Variants in ATG13 observed in about 807,000 individuals in gnomAD.
ATG13 encodes autophagy related 13, also known as autophagy-related protein 13.
In ATG13, 23 loss-of-function variants were observed where a neutral mutation model predicts 65.5. The observed-to-expected ratio is 0.35, with a 90% CI of 0.25 to 0.50. The LOEUF is 0.50. Ranked by LOEUF, ATG13 falls within the 20% of genes least tolerant of loss-of-function variation. The probability of loss-of-function intolerance (pLI) is 0.98; values close to 1 mark genes in which losing one functional copy is unlikely to be tolerated. For synonymous variants in ATG13, 252 were observed against 245.2 expected (o/e 1.03, Z -0.26); for missense variants, 566 against 677.0 (o/e 0.84, Z 1.82).
At chr11:46,638,773 G>A (rs1415928076) in intron 2 of ATG13, among the ~76,000 whole-genome samples, 1 of 151,860 alleles carries the variant, frequency 6.6e-6, no homozygotes, top group Non-Finnish European at 1.5e-5. Flanking sequence ...CTCTTTTTCT[G>A]TGGCTAATTT....
intron 18 of ATG13, among the ~76,000 whole-genome samples, chr11:46,670,003 G>A (rs2063326551): frequency 6.6e-6 from 1 of 152,054 alleles, no homozygotes. Flanking sequence ...CCCCATCTCT[G>A]CTTAGGGCAT....
At chr11:46,635,470 C>T (rs919720074) in intron 2 of ATG13, among the ~76,000 whole-genome samples, 3 of 152,046 alleles carry the variant, frequency 2.0e-5, no homozygotes, top group Non-Finnish European at 2.9e-5. Flanking sequence ...AGAGAGACCC[C>T]CATCTCTTTT....
intron 14 of ATG13, 106 bp downstream of exon 14, chr11:46,665,625 C>A (rs916666975): frequency 2.8e-6 from 4 of 1,422,592 alleles, no homozygotes; most frequent in Non-Finnish European, 3.8e-6. Context: ...TCAGCATTGG[C>A]TGGGACATGG....
chr11:46,638,748 A>C (rs1158891255), intron 2 of ATG13: 1 of 152,108 alleles, frequency 6.6e-6, no homozygotes, highest in Non-Finnish European at 1.5e-5. Flanking sequence ...TGTTGCTGCA[A>C]ATGACAGGAT....
At position 46,672,808 on chromosome 11, in the gene ATG13, A is replaced by AGTCCCTTAGCTCTCTTCATT; in HGVS notation, c.*482_*501dup. ...ACAGTGCCAGGAGGAAGAAGGAAGG[A>AGTCCCTTAGCTCTCTTCATT]GTCCCTTAGCTCTCTTCATTGTCCC... On this transcript the variant is annotated 3_prime_UTR_variant, in exon 19 of 19. Coordinates refer to ENST00000683050, the MANE Select transcript of ATG13 (RefSeq NM_001346311.2). The AGTCCCTTAGCTCTCTTCATT allele has an allele frequency of 2.3e-6, 3 of 1,315,846 alleles. No homozygotes were observed. The Admixed American group carries it at 6.5e-5, about 28-fold the overall frequency. The allele number at this position is 1,315,846 out of a possible 1,614,324, so 81.5% of individuals were successfully genotyped here. A position where few individuals can be genotyped will look rare whatever the true frequency, so the allele number is the denominator to read the frequency against.
At chr11:46,639,222 A>G (rs928154742) in intron 2 of ATG13, among the ~76,000 whole-genome samples, 2 of 152,096 alleles carry the variant, frequency 1.3e-5, no homozygotes, top group African/African-American at 4.8e-5. Context: ...TCCTGACCTC[A>G]TGATCCGCCT....
intron 2 of ATG13, among the ~76,000 whole-genome samples, chr11:46,634,624 A>G (rs1406467634): frequency 6.6e-6 from 1 of 151,046 alleles, no homozygotes; most frequent in Non-Finnish European, 1.5e-5. Flanking sequence ...CAAACTCCTG[A>G]CCTCAAGTAA....
At chr11:46,667,606 G>C (rs1027010081) in intron 14 of ATG13, among the ~76,000 whole-genome samples, 167 bp from the exon 15 acceptor site, 2 of 152,130 alleles carry the variant, frequency 1.3e-5, no homozygotes, top group Non-Finnish European at 2.9e-5. Flanking sequence ...CAAAAGGCAG[G>C]GCAATAGTGG....
chr11:46,645,485 C>G (rs372958950), intron 4 of ATG13, 66 bp downstream of exon 4: 1 of 1,350,982 alleles, frequency 7.4e-7, no homozygotes. Flanking sequence ...GTAAAGTTCT[C>G]AAGTGCAATA....
At chr11:46,649,209 G>A in intron 6 of ATG13, 26 bp downstream of exon 6, 1 of 1,605,468 alleles carries the variant, frequency 6.2e-7, no homozygotes, top group East Asian at 2.2e-5. Context: ...TAGGGTCCTT[G>A]GTTGTGGTTG....
intron 1 of ATG13, among the ~76,000 whole-genome samples, chr11:46,628,959 C>T (rs1221117293): frequency 1.4e-5 from 2 of 147,298 alleles, no homozygotes; most frequent in African/African-American, 2.5e-5. Context: ...TTTTTGGAGA[C>T]GGAGTCTCAC....
chr11:46,661,794 G>T (rs1402147010), intron 11 of ATG13, among the ~76,000 whole-genome samples: 1 of 152,088 alleles, frequency 6.6e-6, no homozygotes, highest in African/African-American at 2.4e-5. Flanking sequence ...TCGCACCACT[G>T]CCCTCCAGCC....
At chr11:46,661,504 T>G in intron 11 of ATG13, among the ~76,000 whole-genome samples, 2 of 125,454 alleles carry the variant, frequency 1.6e-5, no homozygotes, top group African/African-American at 5.8e-5. Flanking sequence ...GGCAACAGAG[T>G]GAGACTCCGT....
chr11:46,633,026 A>ATAT (rs1212138126), intron 2 of ATG13, among the ~76,000 whole-genome samples: 3,409 of 90,600 alleles, frequency 0.038, 93 homozygotes, highest in Non-Finnish European at 0.047. Flanking sequence ...ATATATATAT[A>ATAT]TTTTTTTTTT....
intron 2 of ATG13, 91 bp from the exon 3 acceptor site, chr11:46,644,188 A>G (rs2056924454): frequency 1.0e-6 from 1 of 960,960 alleles, no homozygotes; most frequent in South Asian, 2.1e-5. Context: ...GATTATTCCT[A>G]GGCTAGTAGA....
chr11:46,644,255 A>AT lies in ATG13; in HGVS notation c.-13-17dup, dbSNP rs746591479. ...ATGCCTTTTTAAAGATATTAGTCAT[A>AT]TTTTTTTCACTTTTTTTTTTTAGAT... On this transcript the variant is annotated intron_variant, in intron 2 of 18. Transcript: ENST00000683050. 8.6e-6 allele frequency: 13 copies of AT among 1,519,796 alleles called. No homozygotes were observed. The African/African-American group carries it at 1.5e-4, about 18-fold the overall frequency. The allele number at this position is 1,519,796 out of a possible 1,614,324, so 94.1% of individuals were successfully genotyped here.
At chr11:46,623,604 T>G (rs796514684) in intron 1 of ATG13, among the ~76,000 whole-genome samples, 5 of 152,040 alleles carry the variant, frequency 3.3e-5, no homozygotes, top group African/African-American at 1.2e-4. Flanking sequence ...ATTTTTGTAT[T>G]TTTAGTAGAA....
intron 11 of ATG13, among the ~76,000 whole-genome samples, chr11:46,661,517 C>CA (rs61349471): frequency 0.57 from 61,005 of 106,414 alleles, 19,569 homozygotes; most frequent in East Asian, 0.78. Context: ...GACTCCGTCT[C>CA]AAAAAAAAAA....
intron 2 of ATG13, among the ~76,000 whole-genome samples, chr11:46,643,641 G>A (rs1403849664): frequency 1.4e-5 from 2 of 145,658 alleles, no homozygotes; most frequent in South Asian, 2.2e-4. Context: ...AAATGAGACC[G>A]GGTCTCACCA....
Sources: allele counts gnomAD v4.1 joint callset (sites outside exome capture counted in the v4.1 genomes callset), GRCh38; gene constraint gnomAD v4.1.1; transcripts MANE v1.5; gene names NCBI Gene and HGNC (gene_info 2026-07-23, HGNC 2026-07-21).